The following AMER3 variants were observed in gnomAD, a reference collection of about 807,000 sequenced individuals.
AMER3 encodes family with sequence similarity 123C.
For synonymous variants in AMER3, 541 were observed against 485.5 expected (o/e 1.11, Z -1.50); for missense variants, 1,201 against 1,139.4 (o/e 1.05, Z -0.78).
rs1201180699 is a variant in AMER3 at position 130,762,927 on chromosome 2, G to A, written c.855G>A (p.Arg285=). The change falls in exon 2 of 2, where the codon AGG becomes AGA. Residue 285 remains arginine, a synonymous_variant. Coordinates refer to ENST00000321420, the MANE Select transcript of AMER3 (RefSeq NM_152698.3). ...AGGGCCTGGAGAGCAAGGTTCCCAG[G>A]GGCCCTCTCCAGGGCAGTGTGGAGC... The part of the protein sequence containing the change: ...AAQGLESKVP[R]GPLQGSVEQL... The A allele has an allele frequency of 4.3e-6, 7 of 1,612,736 alleles. No individual in the cohort carries two copies. The highest frequency in any genetic ancestry group is 5.9e-6 in the Non-Finnish European group (7 of 1,179,622).
rs764074433 is a variant in AMER3 at position 130,764,208 on chromosome 2, G to A, written c.2136G>A (p.Arg712=). The A allele has an allele frequency of 2.5e-6, 4 of 1,609,044 alleles. No individual in the cohort carries two copies. In the South Asian group the frequency reaches 4.4e-5, roughly 18 times the overall value. ...GGCTCTTTGGGCAGCGCTGGGCCAG[G>A]GGCCCTGACATGCTGGAGCAGAAAC... is the stretch of plus-strand genomic sequence containing the variant. The part of the protein sequence containing the change: ...GSGLFGQRWA[R]GPDMLEQKQS... Residue 712 remains arginine (R), a synonymous_variant, in exon 2 of 2, where the codon AGG becomes AGA. Coordinates refer to ENST00000321420, the MANE Select transcript of AMER3 (RefSeq NM_152698.3).
rs1338315768 is a variant in AMER3, at chr2:130,765,656, A to G, written c.*998A>G. ...CAGGACGAAAGCCTCAGGACCCAGG[A>G]GGGCCATGGGTGTAAGTTCCAGAGT... On this transcript the variant is annotated 3_prime_UTR_variant, in exon 2 of 2. Transcript: ENST00000321420. The G allele has an allele frequency of 6.0e-6, 1 of 167,064 alleles. No homozygotes were observed. Among genetic ancestry groups the G allele is most frequent in the African/African-American group, 2.4e-5 (1 of 41,450 alleles). 10.3% of individuals were successfully genotyped at this position (167,064 alleles called of 1,614,324 possible).
chr2:130,762,491 C>T lies in AMER3; in HGVS notation c.419C>T (p.Pro140Leu). 1 of 1,613,270 alleles carries T rather than the reference C, an allele frequency of 6.2e-7. No homozygotes were observed. Among genetic ancestry groups the T allele is most frequent in the South Asian group, 1.1e-5 (1 of 91,086 alleles). ...RHFVPQMPFV[P>L]AVAKSIPRKR... ...TTTGTGCCCCAGATGCCCTTTGTGC[C>T]AGCTGTGGCCAAGAGCATCCCGAGG... Residue 140 changes from proline to leucine, a missense_variant, in exon 2 of 2, where the codon CCA becomes CTA. Transcript: ENST00000321420.
intron 1 of AMER3, chr2:130,756,433 G>A (rs2104769777): frequency 6.6e-6 from 1 of 152,456 alleles, no homozygotes; most frequent in African/African-American, 2.4e-5. Flanking sequence ...CGCGGATGTG[G>A]ACCCCCGGGG....
chr2:130,763,148 G>A lies in AMER3; in HGVS notation c.1076G>A (p.Arg359His), dbSNP rs780054373. The change falls in exon 2 of 2, where the codon CGC becomes CAC. Residue 359 changes from arginine to histidine, a missense_variant. Transcript: ENST00000321420. ...ELPLCPCRDP[R>H]SGSKASSIDT... ...CCCCTCTGCCCCTGCAGGGACCCTC[G>A]CAGCGGCTCCAAAGCCAGCTCCATC... The A allele has an allele frequency of 3.7e-6, 6 of 1,613,354 alleles. No individual in the cohort carries two copies. Among genetic ancestry groups the A allele is most frequent in the East Asian group, 2.2e-5 (1 of 44,864 alleles).
intron 1 of AMER3, among the ~76,000 whole-genome samples, chr2:130,758,412 G>A (rs550110330): frequency 2.0e-5 from 3 of 150,936 alleles, no homozygotes; most frequent in Non-Finnish European, 4.4e-5. Flanking sequence ...AGGAAGGAAG[G>A]AAGGAGAAAG....
intron 1 of AMER3, among the ~76,000 whole-genome samples, chr2:130,758,626 C>T (rs1310809752): frequency 1.3e-5 from 2 of 152,180 alleles, no homozygotes; most frequent in Non-Finnish European, 2.9e-5. Flanking sequence ...TAGTTGGAGT[C>T]CTGGACCTTA....
chr2:130,764,145 C>G lies in AMER3; in HGVS notation c.2073C>G (p.Pro691=). The G allele has an allele frequency of 6.2e-7, 1 of 1,610,746 alleles. No homozygotes were observed. The highest frequency in any genetic ancestry group is 8.5e-7 in the Non-Finnish European group (1 of 1,178,524). ...AALKISSNEQ[P]PAAWPPRQDM... Reference sequence around the variant, plus strand: ...TGAAGATCAGCTCAAACGAACAGCCCCCGGCCGCATGGCCTCCAAGGCAAG... The same window carrying G: ...TGAAGATCAGCTCAAACGAACAGCCGCCGGCCGCATGGCCTCCAAGGCAAG... The change falls in exon 2 of 2, where the codon CCC becomes CCG. Residue 691 remains proline (P), a synonymous_variant. Transcript: ENST00000321420.
rs1678900304 is a variant in AMER3 at position 130,763,993 on chromosome 2, T to C, written c.1921T>C (p.Ser641Pro). 6.2e-7 allele frequency: 1 copy of C among 1,613,246 alleles called. No individual in the cohort carries two copies. The highest frequency in any genetic ancestry group is 8.5e-7 in the Non-Finnish European group (1 of 1,179,848). Residue 641 changes from serine to proline, a missense_variant, in exon 2 of 2, where the codon TCC becomes CCC. Transcript: ENST00000321420. ...KAPVPSTWPC[S>P]QKEPGPPGVL... is the part of the protein sequence containing the mutation. ...CCCAGTTCCTTCTACCTGGCCCTGC[T>C]CCCAGAAGGAGCCTGGGCCACCAGG...
chr2:130,764,732 T>A lies in AMER3; in HGVS notation c.*74T>A. The A allele has an allele frequency of 7.0e-7, 1 of 1,434,514 alleles. No homozygotes were observed. Among genetic ancestry groups the A allele is most frequent in the Non-Finnish European group, 9.3e-7 (1 of 1,078,698 alleles). 88.9% of individuals were successfully genotyped at this position (1,434,514 alleles called of 1,614,324 possible). ...CAGGAGAGCCTAGGACTCAAATCTC[T>A]ATCTTTTGTCCCTGATGTGGGGACT... On this transcript the variant is annotated 3_prime_UTR_variant, in exon 2 of 2. Transcript: ENST00000321420.
chr2:130,761,107 G>C (rs1480182031), intron 1 of AMER3, among the ~76,000 whole-genome samples: 1 of 152,142 alleles, frequency 6.6e-6, no homozygotes, highest in Non-Finnish European at 1.5e-5. Flanking sequence ...CGGAGGTCAG[G>C]TGCGTGGCCC....
intron 1 of AMER3, among the ~76,000 whole-genome samples, chr2:130,761,578 A>G (rs960898752): frequency 4.6e-5 from 7 of 152,200 alleles, no homozygotes; most frequent in Middle Eastern, 3.4e-3. Context: ...GCACACCCCC[A>G]TAGCCCCAGC....
Position 130,764,806 on chromosome 2 carries a change from G to A in AMER3, c.*148G>A. On this transcript the variant is annotated 3_prime_UTR_variant, in exon 2 of 2. Coordinates refer to ENST00000321420, the MANE Select transcript of AMER3 (RefSeq NM_152698.3). ...GACTCAGGCATGCAGAGGGTAGCAT[G>A]TTCATGTGGAGGCATCCTTGCCTGA... 2.8e-6 allele frequency: 3 copies of A among 1,065,596 alleles called. No homozygotes were observed. Among genetic ancestry groups the A allele is most frequent in the Non-Finnish European group, 4.0e-6 (3 of 750,718 alleles). 66.0% of individuals were successfully genotyped at this position (1,065,596 alleles called of 1,614,324 possible).
intron 1 of AMER3, among the ~76,000 whole-genome samples, chr2:130,760,918 C>T (rs1678758654): frequency 6.6e-6 from 1 of 151,618 alleles, no homozygotes; most frequent in African/African-American, 2.4e-5. Context: ...AAGCCTTGGC[C>T]TTCAGAACTC....
chr2:130,762,280 G>C lies in AMER3; in HGVS notation c.208G>C (p.Ala70Pro). 6.3e-7 allele frequency: 1 copy of C among 1,585,288 alleles called. No individual in the cohort carries two copies. The highest frequency in any genetic ancestry group is 8.6e-7 in the Non-Finnish European group (1 of 1,167,066). Residue 70 changes from alanine (A) to proline (P), a missense_variant, in exon 2 of 2, where the codon GCG becomes CCG. Physicochemically the swap from Ala to Pro is conservative, Grantham distance 27 (BLOSUM62 -1). Transcript: ENST00000321420. ...QEYDRCPNKG[A>P]QLDPKGGPAA... The stretch of plus-strand genomic sequence containing the variant: ...ATACGACAGATGCCCCAACAAAGGG[G>C]CGCAGCTGGACCCCAAAGGGGGACC...
rs200592484 is a variant in AMER3 at position 130,762,724 on chromosome 2, T to G, written c.652T>G (p.Leu218Val). ...PGLDGLCQDL[L>V]DSELLADASF... ...GCTGGACGGCCTGTGCCAGGACCTG[T>G]TGGACAGCGAGCTCCTGGCCGATGC... The change falls in exon 2 of 2, where the codon TTG becomes GTG. Residue 218 changes from leucine (L) to valine (V), a missense_variant. Physicochemically the swap from Leu to Val is conservative, Grantham distance 32. Coordinates refer to ENST00000321420, the MANE Select transcript of AMER3 (RefSeq NM_152698.3). 22 of 1,611,968 alleles carry G rather than the reference T, an allele frequency of 1.4e-5. No individual in the cohort carries two copies. The African/African-American group carries it at 2.7e-4, about 20-fold the overall frequency.
At chr2:130,756,713 G>T (rs1405246337) in intron 1 of AMER3, among the ~76,000 whole-genome samples, 1 of 152,150 alleles carries the variant, frequency 6.6e-6, no homozygotes, top group East Asian at 1.9e-4. Context: ...GGTGGGCCAG[G>T]ACCTTCCCTC....
chr2:130,762,294 CA>C lies in AMER3; in HGVS notation c.225del (p.Gly77AspfsTer50), dbSNP rs929759050. ...CCAACAAAGGGGCGCAGCTGGACCC[CA>C]AAGGGGGACCCGCAGCCCTCTGTGG... Reference protein sequence around the residue: ...CPNKGAQLDPKGGPAALCGAT... With the variant: ...CPNKGAQLDPXGGPAALCGAT... On this transcript the variant is annotated frameshift_variant, in exon 2 of 2. Coordinates refer to ENST00000321420, the MANE Select transcript of AMER3 (RefSeq NM_152698.3). LOFTEE classifies it low-confidence loss of function (END_TRUNC). 1 of 1,596,936 alleles carries C rather than the reference CA, an allele frequency of 6.3e-7. No individual in the cohort carries two copies. Among genetic ancestry groups the C allele is most frequent in the African/African-American group, 1.3e-5 (1 of 74,600 alleles).
In AMER3 at chr2:130,763,314, G is replaced by A; in HGVS notation, c.1242G>A (p.Arg414=). 6.2e-7 allele frequency: 1 copy of A among 1,613,664 alleles called. No individual in the cohort carries two copies. Among genetic ancestry groups the A allele is most frequent in the South Asian group, 1.1e-5 (1 of 91,090 alleles). Reference sequence around the variant, plus strand: ...GCACTCCTGCCGCCACCTTCCCACGGGACAGCTACAGTGGGGACGCCCTCT... The same window carrying A: ...GCACTCCTGCCGCCACCTTCCCACGAGACAGCTACAGTGGGGACGCCCTCT... ...SPGTPAATFP[R]DSYSGDALYE... Residue 414 remains arginine (R), a synonymous_variant, in exon 2 of 2, where the codon CGG becomes CGA. Coordinates refer to ENST00000321420, the MANE Select transcript of AMER3 (RefSeq NM_152698.3).
Sources: gnomAD v4.1 joint callset for allele counts (sites outside exome capture counted in the v4.1 genomes callset) on GRCh38, gnomAD v4.1.1 for gene constraint, MANE v1.5 for transcripts, NCBI Gene and HGNC (gene_info 2026-07-23, HGNC 2026-07-21) for gene names.